Variants in HOOK3 observed in about 807,000 individuals in gnomAD.
HOOK3 encodes the protein protein Hook homolog 3.
HOOK3 carries 24 observed loss-of-function variants against 116.3 expected under a neutral mutation model. That is an observed-to-expected ratio of 0.21 (90% confidence interval 0.15 to 0.29). The LOEUF is 0.29. Among genes scored for constraint, HOOK3 ranks in the 10% least tolerant of loss-of-function variants. The pLI is 1.00. For synonymous variants in HOOK3, 275 were observed against 283.0 expected, an observed-to-expected ratio of 0.97 and a Z score of 0.28; for missense variants, 632 against 830.2, an observed-to-expected ratio of 0.76 and a Z score of 2.93.
intron 16 of HOOK3, among the ~76,000 whole-genome samples, chr8:42,999,709 ATT>A (rs1308178888): frequency 6.6e-6 from 1 of 152,154 alleles, no homozygotes; most frequent in African/African-American, 2.4e-5. Flanking sequence ...TTTTTATGTA[ATT>A]TGTTTTTAGC....
intron 13 of HOOK3, among the ~76,000 whole-genome samples, chr8:42,980,269 T>C (rs1471087639): frequency 6.6e-6 from 1 of 152,146 alleles, no homozygotes; most frequent in Non-Finnish European, 1.5e-5. Context: ...TGAGTTTTTA[T>C]ACAATTTTAA....
intron 19 of HOOK3, among the ~76,000 whole-genome samples, chr8:43,012,585 A>T (rs1350446033): frequency 6.6e-6 from 1 of 152,154 alleles, no homozygotes; most frequent in Non-Finnish European, 1.5e-5. Context: ...ACAACAATTA[A>T]TACTATTTCA....
In HOOK3 at chr8:42,964,203, T is replaced by C; in HGVS notation, c.616-108T>C. On this transcript the variant is annotated intron_variant, in intron 8 of 21. Coordinates refer to ENST00000307602, the MANE Select transcript of HOOK3 (RefSeq NM_032410.4). ...GCCTGGGCGACAGTGAGACTCCGCC[T>C]CAAAAAATCTATATATAGGCTTTAA... 8.8e-6 allele frequency: 10 copies of C among 1,138,130 alleles called. No homozygotes were observed. The South Asian group carries it at 1.4e-4, about 16-fold the overall frequency. 70.5% of individuals were successfully genotyped at this position (1,138,130 alleles called of 1,614,324 possible). A position where few individuals can be genotyped will look rare whatever the true frequency, so the allele number is the denominator to read the frequency against.
chr8:43,027,477 C>T lies in HOOK3; in HGVS notation c.*8979C>T, dbSNP rs1424276300. 6.4e-6 allele frequency: 3 copies of T among 466,876 alleles called. No homozygotes were observed. The highest frequency in any genetic ancestry group is 6.0e-5 in the African/African-American group (3 of 50,292). The allele number at this position is 466,876 out of a possible 1,614,324, so 28.9% of individuals were successfully genotyped here. ...CAAAACGTTTCTCTTCTACCTTACC[C>T]CCTGTTCTACTGACGTGCTTTGCAT... On this transcript the variant is annotated 3_prime_UTR_variant, in exon 22 of 22. Transcript: ENST00000307602.
In HOOK3 at chr8:42,964,410, C is replaced by G. The variant is rs1808593932; in HGVS notation, c.715C>G (p.Pro239Ala). Residue 239 changes from proline to alanine, a missense_variant, in exon 9 of 22, where the codon CCA becomes GCA. This residue lies in a region of HOOK3 where 483 missense variants were observed against 648.1 expected (regional missense o/e 0.75). Coordinates refer to ENST00000307602, the MANE Select transcript of HOOK3 (RefSeq NM_032410.4). ...TGATTCTATAGAAGACCCTAACAGT[C>G]CAGCAGGAAGAAGGCATTTGCAGCT... Reference protein sequence around the residue: ...QSDSIEDPNSPAGRRHLQLQT... With the variant: ...QSDSIEDPNSAAGRRHLQLQT... 2.5e-6 allele frequency: 4 copies of G among 1,613,956 alleles called. No homozygotes were observed. Among genetic ancestry groups the G allele is most frequent in the Non-Finnish European group, 3.4e-6 (4 of 1,179,960 alleles).
chr8:42,969,474 A>G (rs1808688769), intron 11 of HOOK3, among the ~76,000 whole-genome samples: 1 of 152,168 alleles, frequency 6.6e-6, no homozygotes, highest in African/African-American at 2.4e-5. Context: ...AATAACTTTA[A>G]GTTAGCTGGG....
intron 21 of HOOK3, among the ~76,000 whole-genome samples, chr8:43,016,224 C>T (rs1277465831): frequency 6.7e-6 from 1 of 149,898 alleles, no homozygotes; most frequent in African/African-American, 2.5e-5. Context: ...TTCACGCCAT[C>T]CTCTTGCCTC....
At chr8:43,012,024 G>A (rs1809623547) in intron 19 of HOOK3, among the ~76,000 whole-genome samples, 2 of 152,190 alleles carry the variant, frequency 1.3e-5, no homozygotes, top group African/African-American at 4.8e-5. Flanking sequence ...GGGCCACAGT[G>A]ATAGGCTTAC....
chr8:42,990,551 G>A (rs1809140945), intron 15 of HOOK3, among the ~76,000 whole-genome samples: 1 of 151,534 alleles, frequency 6.6e-6, no homozygotes, highest in African/African-American at 2.4e-5. Context: ...ATGTTGCCCA[G>A]GCTAGTCTTA....
At chr8:42,923,464 A>G (rs984098301) in intron 2 of HOOK3, among the ~76,000 whole-genome samples, 1 of 152,224 alleles carries the variant, frequency 6.6e-6, no homozygotes, top group African/African-American at 2.4e-5. Flanking sequence ...ATATCTATAA[A>G]TGGAATATTA....
chr8:42,925,513 A>G, intron 2 of HOOK3, 44 bp from the exon 3 acceptor site: 1 of 1,290,720 alleles, frequency 7.7e-7, no homozygotes, highest in South Asian at 1.3e-5. Context: ...GTTTAGCTTG[A>G]TAGCTACATG....
Position 43,029,437 on chromosome 8 carries a change from T to C in HOOK3, c.*10939T>C. Reference sequence around the variant, plus strand: ...TGCTGGGATTACAGGCATGAGCCACTGCGCCCGGCCCAAATCTTTTATTTT... The same window carrying C: ...TGCTGGGATTACAGGCATGAGCCACCGCGCCCGGCCCAAATCTTTTATTTT... On this transcript the variant is annotated 3_prime_UTR_variant, in exon 22 of 22. Coordinates refer to ENST00000307602, the MANE Select transcript of HOOK3 (RefSeq NM_032410.4). 1 of 175,736 alleles carries C rather than the reference T, an allele frequency of 5.7e-6. No homozygotes were observed. Among genetic ancestry groups the C allele is most frequent in the Non-Finnish European group, 1.2e-5 (1 of 81,420 alleles). 10.9% of individuals were successfully genotyped at this position (175,736 alleles called of 1,614,324 possible). A position where few individuals can be genotyped will look rare whatever the true frequency, so the allele number is the denominator to read the frequency against.
At chr8:42,906,741 C>T (rs911687464) in intron 2 of HOOK3, among the ~76,000 whole-genome samples, 2 of 152,170 alleles carry the variant, frequency 1.3e-5, no homozygotes, top group African/African-American at 2.4e-5. Flanking sequence ...GTTGTTCATT[C>T]ATCTGCCCCA....
intron 11 of HOOK3, among the ~76,000 whole-genome samples, chr8:42,968,775 G>A (rs1808676895): frequency 6.6e-6 from 1 of 152,070 alleles, no homozygotes; most frequent in Non-Finnish European, 1.5e-5. Context: ...AAATGTAAAA[G>A]CATAGTTCAG....
chr8:43,021,104 G>GAAAAAAAAAAAAAAAAAAA lies in HOOK3; in HGVS notation c.*2617_*2635dup. On this transcript the variant is annotated 3_prime_UTR_variant, in exon 22 of 22. Coordinates refer to ENST00000307602, the MANE Select transcript of HOOK3 (RefSeq NM_032410.4). ...CGACAAGAGCGAAACTCTGTCGCAAGAAAAAAAAAAAAAAAAAAAAAAAAA... is the reference window on the plus strand; with the variant it reads ...CGACAAGAGCGAAACTCTGTCGCAAGAAAAAAAAAAAAAAAAAAAAAAAAAAAAAAAAAAAAAAAAAAAA... 3.1e-5 allele frequency: 1 copy of GAAAAAAAAAAAAAAAAAAA among 32,252 alleles called. No homozygotes were observed. The highest frequency in any genetic ancestry group is 7.4e-5 in the Non-Finnish European group (1 of 13,486). The allele number at this position is 32,252 out of a possible 1,614,324, so 2.0% of individuals were successfully genotyped here.
In HOOK3 at chr8:43,007,852, A is replaced by T; in HGVS notation, c.1661A>T (p.Lys554Met). 1 of 1,593,512 alleles carries T rather than the reference A, an allele frequency of 6.3e-7. No homozygotes were observed. Among genetic ancestry groups the T allele is most frequent in the Non-Finnish European group, 8.6e-7 (1 of 1,166,166 alleles). ...TGTTTACCTGTTTGTTACAGAGAGA[A>T]GCTGCATGAGGCCAATAATGAACTA... is the stretch of plus-strand genomic sequence containing the variant. ...LKKKLEEHLEKLHEANNELQK... is the reference protein window; with the variant it reads ...LKKKLEEHLEMLHEANNELQK... Residue 554 changes from lysine to methionine, a missense_variant, in exon 18 of 22, where the codon AAG becomes ATG. Transcript: ENST00000307602.
rs191095603 is a variant in HOOK3 at position 42,926,846 on chromosome 8, C to T, written c.216+1217C>T. Among the ~76,000 whole-genome samples the T allele has an allele frequency of 4.3e-3, 655 of 152,292 alleles. 7 individuals are homozygous for T. Among genetic ancestry groups the T allele is most frequent in the African/African-American group, 0.015 (637 of 41,546 alleles). ...GTGTAACTACCACCACAGTGAAAGA[C>T]CCAGAACTATTCCGTCACCACACAG... On this transcript the variant is annotated intron_variant, in intron 3 of 21. Transcript: ENST00000307602.
intron 2 of HOOK3, among the ~76,000 whole-genome samples, chr8:42,921,551 G>C (rs1306227709): frequency 2.0e-5 from 3 of 152,092 alleles, no homozygotes; most frequent in Non-Finnish European, 4.4e-5. Context: ...CTGTTTCTTT[G>C]AGAAGTCAGA....
At chr8:42,999,481 GC>G (rs1240577615) in intron 16 of HOOK3, among the ~76,000 whole-genome samples, 6 of 152,164 alleles carry the variant, frequency 3.9e-5, no homozygotes, top group Admixed American at 1.3e-4. Flanking sequence ...TATGGTTCTT[GC>G]CCCAGCAAAT....
Sources: gnomAD v4.1 joint callset for allele counts (sites outside exome capture counted in the v4.1 genomes callset) on GRCh38, gnomAD v4.1.1 for gene constraint, gnomAD v4.1.1 regional missense constraint, MANE v1.5 for transcripts, NCBI Gene and HGNC (gene_info 2026-07-23, HGNC 2026-07-21) for gene names.